GPM6A: variants seen among roughly 807,000 people sequenced by gnomAD.
The protein encoded by GPM6A is glycoprotein M6A.
GPM6A carries 7 observed loss-of-function variants against 32.1 expected under a neutral mutation model. That is an observed-to-expected ratio of 0.22 (90% confidence interval 0.12 to 0.41). The LOEUF is 0.41. Ranked by LOEUF, GPM6A falls within the 10% of genes least tolerant of loss-of-function variation. GPM6A has a pLI of 1.00. For missense variants in GPM6A, 235 were observed against 347.2 expected (o/e 0.68, Z 2.57); for synonymous variants, 130 against 123.4 (o/e 1.05, Z -0.35).
At chr4:175,663,055 T>A (rs1742523070) in intron 3 of GPM6A, among the ~76,000 whole-genome samples, 1 of 152,216 alleles carries the variant, frequency 6.6e-6, no homozygotes. Context: ...CAGAAGAATT[T>A]TTCTAAAGCG....
intron 1 of GPM6A, among the ~76,000 whole-genome samples, chr4:175,987,224 T>C (rs1347070806): frequency 6.6e-6 from 1 of 152,224 alleles, no homozygotes; most frequent in East Asian, 1.9e-4. Flanking sequence ...ACTTGGTGAA[T>C]GAATTACACA....
chr4:175,652,759 C>A (rs1182396764), intron 3 of GPM6A, among the ~76,000 whole-genome samples: 1 of 151,938 alleles, frequency 6.6e-6, no homozygotes, highest in African/African-American at 2.4e-5. Context: ...ATGGTAAATG[C>A]TGGATAAAAG....
chr4:175,824,982 G>A (rs896308406), intron 1 of GPM6A, among the ~76,000 whole-genome samples: 1 of 152,154 alleles, frequency 6.6e-6, no homozygotes, highest in African/African-American at 2.4e-5. Flanking sequence ...CAAAAGTGAT[G>A]TAAATATATC....
chr4:175,898,585 G>A (rs1412439531), intron 1 of GPM6A, among the ~76,000 whole-genome samples: 1 of 152,104 alleles, frequency 6.6e-6, no homozygotes, highest in Non-Finnish European at 1.5e-5. Context: ...ACTGTGATGT[G>A]ACTGTCTGTT....
intron 1 of GPM6A, among the ~76,000 whole-genome samples, chr4:175,935,825 T>G (rs1252838396): frequency 6.6e-6 from 1 of 151,908 alleles, no homozygotes; most frequent in Non-Finnish European, 1.5e-5. Flanking sequence ...CAAGAGTAAG[T>G]GTTCTAGACT....
chr4:175,709,343 C>G (rs1191428732), intron 1 of GPM6A, among the ~76,000 whole-genome samples: 3 of 150,758 alleles, frequency 2.0e-5, no homozygotes, highest in Non-Finnish European at 4.4e-5. Context: ...CTCTCTTTCC[C>G]TCTCTCTCTC....
chr4:175,918,066 T>C (rs1350390705), intron 1 of GPM6A, among the ~76,000 whole-genome samples: 2 of 152,004 alleles, frequency 1.3e-5, no homozygotes, highest in Non-Finnish European at 1.5e-5. Flanking sequence ...ACATATTATA[T>C]AAATCTTGAT....
At chr4:175,692,246 G>A (rs1253136978) in intron 2 of GPM6A, among the ~76,000 whole-genome samples, 1 of 152,024 alleles carries the variant, frequency 6.6e-6, no homozygotes, top group Non-Finnish European at 1.5e-5. Flanking sequence ...TTTCTTCCCT[G>A]GGATAAATTC....
intron 1 of GPM6A, among the ~76,000 whole-genome samples, chr4:175,888,924 T>C (rs576331141): frequency 3.0e-4 from 46 of 152,288 alleles, no homozygotes; most frequent in Middle Eastern, 3.4e-3. Context: ...CAATTGAATA[T>C]TATGATACTG....
intron 6 of GPM6A, among the ~76,000 whole-genome samples, chr4:175,637,189 C>G (rs1346376820): frequency 2.0e-4 from 15 of 74,408 alleles, no homozygotes; most frequent in South Asian, 1.7e-3. Flanking sequence ...TGACATATAT[C>G]ATATATTATA....
intron 1 of GPM6A, among the ~76,000 whole-genome samples, chr4:175,913,740 G>A (rs139709273): frequency 1.2e-3 from 175 of 152,096 alleles, no homozygotes; most frequent in African/African-American, 3.7e-3. Flanking sequence ...TTGCCAAAAC[G>A]TCACTTTCTC....
chr4:175,927,836 G>T (rs2111538010), intron 1 of GPM6A, among the ~76,000 whole-genome samples: 1 of 152,284 alleles, frequency 6.6e-6, no homozygotes, highest in South Asian at 2.1e-4. Context: ...AATGAGCTGA[G>T]ATCACGCCTC....
At chr4:175,806,648 C>T (rs1232036581) in intron 1 of GPM6A, among the ~76,000 whole-genome samples, 5 of 152,144 alleles carry the variant, frequency 3.3e-5, no homozygotes, top group Admixed American at 1.3e-4. Flanking sequence ...AGAAGTTCTA[C>T]GAATATCTAT....
intron 2 of GPM6A, among the ~76,000 whole-genome samples, chr4:175,682,981 C>G (rs1163023192): frequency 6.6e-6 from 1 of 152,190 alleles, no homozygotes; most frequent in East Asian, 1.9e-4. Context: ...AAGTGGGTCA[C>G]TGATCTCCAG....
intron 1 of GPM6A, among the ~76,000 whole-genome samples, chr4:175,866,630 T>C (rs375081459): frequency 2.3e-3 from 347 of 152,340 alleles, no homozygotes; most frequent in African/African-American, 8.0e-3. Context: ...AATATTTAAT[T>C]GTCTGGATGT....
intron 1 of GPM6A, among the ~76,000 whole-genome samples, chr4:175,933,872 T>C (rs774614123): frequency 6.6e-6 from 1 of 152,126 alleles, no homozygotes; most frequent in Non-Finnish European, 1.5e-5. Context: ...AGTCACAGAA[T>C]AGAAACAACT....
intron 1 of GPM6A, among the ~76,000 whole-genome samples, chr4:175,848,710 T>C (rs1370686344): frequency 6.6e-6 from 1 of 152,176 alleles, no homozygotes; most frequent in Non-Finnish European, 1.5e-5. Context: ...AATGATGTTC[T>C]GAAATTTCAA....
chr4:175,814,898 C>A (rs1735050905), upstream of GPM6A, among the ~76,000 whole-genome samples: 1 of 152,156 alleles, frequency 6.6e-6, no homozygotes. Flanking sequence ...GTAACCATGG[C>A]CACCAGCTAT....
chr4:175,658,415 A>AG (rs143207962), intron 3 of GPM6A, among the ~76,000 whole-genome samples: 1,894 of 152,198 alleles, frequency 0.012, 22 homozygotes, highest in Non-Finnish European at 0.022. Context: ...TGCCAAGTGT[A>AG]GGGGGGGTGA....
Sources: allele counts gnomAD v4.1 joint callset (sites outside exome capture counted in the v4.1 genomes callset), GRCh38; gene constraint gnomAD v4.1.1; transcripts MANE v1.5; gene names NCBI Gene and HGNC (gene_info 2026-07-23, HGNC 2026-07-21).